Variants in BNC2 observed in about 807,000 individuals in gnomAD.
BNC2 encodes basonuclin zinc finger protein 2.
In BNC2, 20 loss-of-function variants were observed where a neutral mutation model predicts 76.3. The observed-to-expected ratio is 0.26, with a 90% CI of 0.18 to 0.38. The LOEUF (loss-of-function observed/expected upper bound fraction) is 0.38, where lower values mean the gene tolerates loss of function less well. BNC2 is among the 10% of genes least tolerant of loss of function. The pLI is 1.00. For missense variants in BNC2, 1,382 were observed against 1,399.8 expected (o/e 0.99, Z 0.20); for synonymous variants, 582 against 514.8 (o/e 1.13, Z -1.77).
rs772658669 is a variant in BNC2 at position 16,436,022 on chromosome 9, G to A, written c.2172C>T (p.Asn724=). ...GTTTGGGCTCCGAAGACTCAGACTC[G>A]TTCTCATAGTCCCGCTCAGGTTCTT... is the stretch of plus-strand genomic sequence containing the variant. The part of the protein sequence containing the change: ...EDQEPERDYE[N]ESESSEPKLG... Residue 724 remains asparagine (N), a synonymous_variant, in exon 6 of 7, where the codon AAC becomes AAT. Coordinates refer to ENST00000380672, the MANE Select transcript of BNC2 (RefSeq NM_017637.6). The A allele has an allele frequency of 1.5e-5, 25 of 1,614,006 alleles. No homozygotes were observed. The highest frequency in any genetic ancestry group is 9.9e-5 in the South Asian group (9 of 91,076).
At chr9:16,680,954 G>T (rs1027796085) in intron 3 of BNC2, among the ~76,000 whole-genome samples, 27 of 152,264 alleles carry the variant, frequency 1.8e-4, no homozygotes, top group African/African-American at 2.9e-4. Flanking sequence ...AACCAAATAA[G>T]TTGAATTTTC....
chr9:16,711,396 A>G (rs1039382914), intron 3 of BNC2, among the ~76,000 whole-genome samples: 1 of 152,158 alleles, frequency 6.6e-6, no homozygotes, highest in African/African-American at 2.4e-5. Context: ...GCACTGCTCT[A>G]ATTAAAACGG....
intron 3 of BNC2, among the ~76,000 whole-genome samples, chr9:16,639,229 A>G (rs556975032): frequency 5.6e-4 from 85 of 152,314 alleles, no homozygotes; most frequent in African/African-American, 1.8e-3. Flanking sequence ...TTTTAGTTCA[A>G]TAACAGAAAT....
chr9:16,420,377 AT>A (rs1820685112), intron 6 of BNC2, among the ~76,000 whole-genome samples: 2 of 152,174 alleles, frequency 1.3e-5, no homozygotes, highest in South Asian at 4.1e-4. Flanking sequence ...AAGTATGTGC[AT>A]TTTAGTGTCC....
chr9:16,841,811 T>C (rs1818833928), intron 1 of BNC2, among the ~76,000 whole-genome samples: 1 of 11,600 alleles, frequency 8.6e-5, no homozygotes, highest in South Asian at 0.011. Context: ...TATTATCAAA[T>C]TTGTTTTTTT....
chr9:16,703,090 G>C (rs1823562238), intron 3 of BNC2, among the ~76,000 whole-genome samples: 1 of 152,068 alleles, frequency 6.6e-6, no homozygotes. Flanking sequence ...TGTGATACTG[G>C]AGTAATTCCA....
chr9:16,575,266 C>T (rs1940631420), intron 4 of BNC2: 1 of 985,290 alleles, frequency 1.0e-6, no homozygotes, highest in African/African-American at 1.7e-5. Flanking sequence ...GCCTCCCATT[C>T]ATTCACCCGA....
At chr9:16,554,158 C>T (rs541838094) in intron 4 of BNC2, among the ~76,000 whole-genome samples, 1 of 152,308 alleles carries the variant, frequency 6.6e-6, no homozygotes, top group African/African-American at 2.4e-5. Flanking sequence ...CACCTTATCC[C>T]TAATGGTACG....
At chr9:16,767,600 G>A (rs190070775) in intron 1 of BNC2, among the ~76,000 whole-genome samples, 2 of 152,156 alleles carry the variant, frequency 1.3e-5, no homozygotes, top group African/African-American at 2.4e-5. Context: ...GAAAAAGTAT[G>A]AGAGGGTTGT....
At chr9:16,600,252 A>G (rs893324246) in intron 3 of BNC2, among the ~76,000 whole-genome samples, 7 of 152,188 alleles carry the variant, frequency 4.6e-5, no homozygotes, top group Admixed American at 6.5e-5. Flanking sequence ...GGAAAGCACA[A>G]TTCAATATGA....
At chr9:16,721,486 T>C (rs1824156599) in intron 3 of BNC2, among the ~76,000 whole-genome samples, 1 of 152,116 alleles carries the variant, frequency 6.6e-6, no homozygotes, top group East Asian at 1.9e-4. Flanking sequence ...TGGCAGACAG[T>C]AGTGAGATCC....
At chr9:16,849,782 A>G (rs1321689500) in intron 1 of BNC2, among the ~76,000 whole-genome samples, 3 of 152,186 alleles carry the variant, frequency 2.0e-5, no homozygotes, top group Non-Finnish European at 4.4e-5. Flanking sequence ...AAGTCAACAT[A>G]AAAAAACTGA....
chr9:16,642,822 G>A (rs1008028315), intron 3 of BNC2, among the ~76,000 whole-genome samples: 4 of 152,164 alleles, frequency 2.6e-5, no homozygotes, highest in African/African-American at 4.8e-5. Flanking sequence ...ATCCTTCTAG[G>A]AGAAGGTACA....
At chr9:16,545,602 T>A (rs1587152955) in intron 5 of BNC2, among the ~76,000 whole-genome samples, 1 of 152,282 alleles carries the variant, frequency 6.6e-6, no homozygotes, top group East Asian at 1.9e-4. Flanking sequence ...AAAGAAGGCA[T>A]AATTATAGCT....
chr9:16,640,760 C>T (rs529113242), intron 3 of BNC2, among the ~76,000 whole-genome samples: 2 of 152,132 alleles, frequency 1.3e-5, no homozygotes, highest in African/African-American at 2.4e-5. Context: ...CTTCAGCTTG[C>T]AGCATAACAG....
At chr9:16,791,229 T>G (rs1290890170) in intron 1 of BNC2, among the ~76,000 whole-genome samples, 1 of 151,880 alleles carries the variant, frequency 6.6e-6, no homozygotes, top group Non-Finnish European at 1.5e-5. Context: ...GCCTGGCTAA[T>G]TTTTTGTATT....
intron 3 of BNC2, among the ~76,000 whole-genome samples, chr9:16,706,452 G>C (rs1436981627): frequency 1.3e-5 from 2 of 152,196 alleles, no homozygotes; most frequent in African/African-American, 4.8e-5. Context: ...AGGTGTTCCA[G>C]CTTTAATCTC....
At chr9:16,527,671 C>A (rs1424874635) in intron 5 of BNC2, among the ~76,000 whole-genome samples, 1 of 152,194 alleles carries the variant, frequency 6.6e-6, no homozygotes, top group Non-Finnish European at 1.5e-5. Flanking sequence ...GACAGGTACA[C>A]TACCTGGGAG....
At chr9:16,439,361 G>A (rs190206204) in intron 5 of BNC2, among the ~76,000 whole-genome samples, 58 of 152,270 alleles carry the variant, frequency 3.8e-4, no homozygotes, top group African/African-American at 1.4e-3. Context: ...TAAAGTTCAG[G>A]AAAGATTTAT....
Sources: allele counts gnomAD v4.1 joint callset (sites outside exome capture counted in the v4.1 genomes callset), GRCh38; gene constraint gnomAD v4.1.1; transcripts MANE v1.5; gene names NCBI Gene and HGNC (gene_info 2026-07-23, HGNC 2026-07-21).